AKAP12: variants seen among roughly 807,000 people sequenced by gnomAD.
AKAP12 encodes the protein A-kinase anchoring protein 12, also known as A-kinase anchor protein 12.
Under a neutral mutation model 79.9 loss-of-function variants are expected in AKAP12, and 32 were observed. That is an observed-to-expected ratio of 0.40 (90% CI 0.30 to 0.54). AKAP12 has a LOEUF of 0.54. AKAP12 is among the 20% of genes least tolerant of loss of function. The pLI is 0.48. For synonymous variants in AKAP12, 808 were observed against 857.0 expected, an observed-to-expected ratio of 0.94 and a Z score of 1.00; for missense variants, 2,074 against 2,177.0, an observed-to-expected ratio of 0.95 and a Z score of 0.94.
At chr6:151,341,588 A>G (rs1777949178) in intron 3 of AKAP12, 2 of 577,788 alleles carry the variant, frequency 3.5e-6, no homozygotes, top group South Asian at 6.0e-5. Flanking sequence ...TTCGCGAGCT[A>G]TGGCAGCCGG....
chr6:151,281,995 G>A (rs1260995650), intron 2 of AKAP12, among the ~76,000 whole-genome samples: 24 of 152,062 alleles, frequency 1.6e-4, no homozygotes, highest in Admixed American at 1.6e-3. Context: ...ACCAAGTGCA[G>A]TCTGGCATGA....
chr6:151,347,287 T>C (rs554828315), intron 3 of AKAP12, among the ~76,000 whole-genome samples: 64 of 152,390 alleles, frequency 4.2e-4, no homozygotes, highest in Non-Finnish European at 8.2e-4. Context: ...CTGGTCCCTT[T>C]TGGGGACCTG....
intron 3 of AKAP12, chr6:151,325,892 C>G (rs369614318): frequency 6.2e-7 from 1 of 1,614,092 alleles, no homozygotes; most frequent in African/African-American, 1.3e-5. Context: ...ACAGGTAAGG[C>G]ACAAGCCAGG....
In AKAP12 at chr6:151,349,740, T is replaced by C. The variant is rs201657763; in HGVS notation, c.1349T>C (p.Met450Thr). 12 of 1,613,918 alleles carry C rather than the reference T, an allele frequency of 7.4e-6. No homozygotes were observed. The highest frequency in any genetic ancestry group is 8.5e-6 in the Non-Finnish European group (10 of 1,180,010). Reference sequence around the variant, plus strand: ...GTGCCAGCTGAAGAATTGGTTGAAATGGATGCAGAACCTCAGGAAGCTGAA... The same window carrying C: ...GTGCCAGCTGAAGAATTGGTTGAAACGGATGCAGAACCTCAGGAAGCTGAA... The part of the protein sequence containing the change: ...GSVPAEELVE[M>T]DAEPQEAEPA... The change falls in exon 4 of 5, where the codon ATG becomes ACG. Residue 450 changes from methionine to threonine, a missense_variant. Transcript: ENST00000402676.
At chr6:151,310,364 C>G (rs1418706764) in intron 3 of AKAP12, among the ~76,000 whole-genome samples, 3 of 142,884 alleles carry the variant, frequency 2.1e-5, no homozygotes, top group African/African-American at 7.7e-5. Context: ...AACTCCATCT[C>G]AAAAAAAAAA....
In AKAP12 at chr6:151,352,909, A is replaced by G. The variant is rs1778337124; in HGVS notation, c.4518A>G (p.Thr1506=). The change falls in exon 4 of 5, where the codon ACA becomes ACG. Residue 1506 remains threonine, a synonymous_variant. Coordinates refer to ENST00000402676, the MANE Select transcript of AKAP12 (RefSeq NM_005100.4). Reference sequence around the variant, plus strand: ...CCGACCTGGAAGGAGAGAAAACCACATCACTGAAGTGGAAGTCAGATGAAG... The same window carrying G: ...CCGACCTGGAAGGAGAGAAAACCACGTCACTGAAGTGGAAGTCAGATGAAG... ...LSSDLEGEKT[T]SLKWKSDEVD... 6.2e-7 allele frequency: 1 copy of G among 1,614,206 alleles called. No homozygotes were observed. Among genetic ancestry groups the G allele is most frequent in the Admixed American group, 1.7e-5 (1 of 60,036 alleles).
intron 3 of AKAP12, among the ~76,000 whole-genome samples, chr6:151,334,623 T>G (rs1582889125): frequency 2.4e-5 from 1 of 42,036 alleles, no homozygotes; most frequent in Non-Finnish European, 3.6e-5. Context: ...GCATCTCAAC[T>G]TTTTTTTTTT....
At chr6:151,311,902 T>C (rs376365786) in intron 3 of AKAP12, among the ~76,000 whole-genome samples, 1 of 152,322 alleles carries the variant, frequency 6.6e-6, no homozygotes. Flanking sequence ...ATCTGTATAG[T>C]AGGCACCCTA....
At chr6:151,348,260 GGT>G (rs1778161744) in intron 3 of AKAP12, 1 of 424,650 alleles carries the variant, frequency 2.4e-6, no homozygotes, top group African/African-American at 2.1e-5. Flanking sequence ...CTAGGACAGA[GGT>G]TGCAGTGAAC....
Position 151,299,866 on chromosome 6 carries a change from C to T in AKAP12, c.163-5881C>T, listed in dbSNP as rs573445200. Among the ~76,000 whole-genome samples, 18 of 152,102 alleles carry T rather than the reference C, an allele frequency of 1.2e-4. No individual in the cohort carries two copies. In the South Asian group the frequency reaches 3.1e-3, roughly 26 times the overall value. ...CTGGTCTCAAACTCCTGGCTTAAAGCCATCCTCCTGCCTCAGCCTCCCAAA... is the reference window on the plus strand; with the variant it reads ...CTGGTCTCAAACTCCTGGCTTAAAGTCATCCTCCTGCCTCAGCCTCCCAAA... On this transcript the variant is annotated intron_variant, in intron 2 of 4. Transcript: ENST00000402676.
At chr6:151,319,547 G>GATAT (rs202149683) in intron 3 of AKAP12, 1 of 105,172 alleles carries the variant, frequency 9.5e-6, no homozygotes, top group African/African-American at 3.8e-5. Flanking sequence ...TATAGATATA[G>GATAT]ATATATATAT....
Position 151,349,654 on chromosome 6 carries a change from C to G in AKAP12, c.1263C>G (p.Val421=), listed in dbSNP as rs772270851. The G allele has an allele frequency of 6.8e-6, 11 of 1,613,716 alleles. No individual in the cohort carries two copies. In the South Asian group the frequency reaches 1.2e-4, roughly 18 times the overall value. ...AAGAGGTTGTGGCCGAAGTCCACGT[C>G]AGCACCGTGGAGGAGAGAACCGAAG... The part of the protein sequence containing the change: ...HQEEVVAEVH[V]STVEERTEEQ... The change falls in exon 4 of 5, where the codon GTC becomes GTG. Residue 421 remains valine (V), a synonymous_variant. Coordinates refer to ENST00000402676, the MANE Select transcript of AKAP12 (RefSeq NM_005100.4).
chr6:151,248,765 G>A (rs574259251), intron 2 of AKAP12, among the ~76,000 whole-genome samples: 11 of 152,214 alleles, frequency 7.2e-5, no homozygotes, highest in Admixed American at 4.6e-4. Flanking sequence ...CGAGGCGGGC[G>A]GATCACGAGG....
At chr6:151,270,122 T>C (rs948178017) in intron 2 of AKAP12, among the ~76,000 whole-genome samples, 2 of 152,202 alleles carry the variant, frequency 1.3e-5, no homozygotes, top group Non-Finnish European at 2.9e-5. Context: ...AGTGGCGAGA[T>C]CTTGGCTCAC....
intron 2 of AKAP12, among the ~76,000 whole-genome samples, chr6:151,300,434 C>T (rs67878873): frequency 0.12 from 18,097 of 152,062 alleles, 1,261 homozygotes; most frequent in Middle Eastern, 0.18. Flanking sequence ...ATCACTTCTG[C>T]AGTGAAAAGG....
chr6:151,325,740 C>T (rs1395527983), intron 3 of AKAP12: 5 of 1,555,732 alleles, frequency 3.2e-6, no homozygotes, highest in Non-Finnish European at 2.6e-6. Flanking sequence ...AGTGTCTGGG[C>T]GCTCAGTCCG....
intron 2 of AKAP12, among the ~76,000 whole-genome samples, chr6:151,305,059 G>A (rs535886070): frequency 5.9e-5 from 9 of 152,268 alleles, no homozygotes; most frequent in Admixed American, 5.2e-4. Flanking sequence ...TCCCTTCTCT[G>A]CACCCCGTTT....
At chr6:151,276,097 G>T (rs189565179) in intron 2 of AKAP12, among the ~76,000 whole-genome samples, 2 of 152,314 alleles carry the variant, frequency 1.3e-5, no homozygotes, top group African/African-American at 4.8e-5. Context: ...TTGGAGTTTT[G>T]TGTGTAAACA....
chr6:151,338,751 A>G (rs1777877475), intron 3 of AKAP12, among the ~76,000 whole-genome samples: 2 of 152,142 alleles, frequency 1.3e-5, no homozygotes, highest in Admixed American at 1.3e-4. Context: ...GCACCCGGCC[A>G]TAGGTTACTC....
Sources: gnomAD v4.1 joint callset for allele counts (sites outside exome capture counted in the v4.1 genomes callset) on GRCh38, gnomAD v4.1.1 for gene constraint, MANE v1.5 for transcripts, NCBI Gene and HGNC (gene_info 2026-07-23, HGNC 2026-07-21) for gene names.